Variants in SYNE1 observed in about 807,000 individuals in gnomAD.
The protein encoded by SYNE1 is spectrin repeat containing nuclear envelope protein 1.
A neutral mutation model predicts 1,111.0 loss-of-function variants in SYNE1; 616 were observed. The ratio of observed to expected loss-of-function variants is 0.55; its 90% CI spans 0.52 to 0.59. The LOEUF (loss-of-function observed/expected upper bound fraction) is 0.59, where lower values mean the gene tolerates loss of function less well. Among genes scored for constraint, SYNE1 ranks in the 20% least tolerant of loss-of-function variants. The pLI, the probability that SYNE1 is intolerant of heterozygous loss-of-function variation, is 0.00. For missense variants in SYNE1, 10,006 were observed against 10,417.0 expected, an observed-to-expected ratio of 0.96 and a Z score of 1.72; for synonymous variants, 3,855 against 3,825.8, an observed-to-expected ratio of 1.01 and a Z score of -0.28.
chr6:152,191,659 C>A (rs2072426385), intron 127 of SYNE1, among the ~76,000 whole-genome samples: 1 of 151,826 alleles, frequency 6.6e-6, no homozygotes, highest in Non-Finnish European at 1.5e-5. Context: ...TTTTCTTAGT[C>A]TGGCTAATGG....
chr6:152,183,256 C>T (rs1031325241), intron 128 of SYNE1, among the ~76,000 whole-genome samples: 1 of 152,090 alleles, frequency 6.6e-6, no homozygotes, highest in Admixed American at 6.5e-5. Context: ...TAGTTAAAAT[C>T]CCGGTTCAAT....
rs925896998 is a variant in SYNE1 at position 152,616,485 on chromosome 6, A to G, written c.67+11780T>C. Among the ~76,000 whole-genome samples, 39 of 152,068 alleles carry G rather than the reference A, an allele frequency of 2.6e-4. 1 individual carries two copies. On this transcript the variant is annotated intron_variant, in intron 3 of 145. Transcript: ENST00000367255. ...CAGCTACTTGGGAGGCTGAGGTGGG[A>G]GGATTGCTTGAGCCCAGGAGGTTGA...
At chr6:152,497,197 C>T (rs991670879) in intron 11 of SYNE1, among the ~76,000 whole-genome samples, 1 of 152,156 alleles carries the variant, frequency 6.6e-6, no homozygotes, top group African/African-American at 2.4e-5. Flanking sequence ...TAATCTCCAT[C>T]ATCTAACACA....
chr6:152,505,389 C>T lies in SYNE1; in HGVS notation c.590G>A (p.Gly197Glu), dbSNP rs150249753. 5.0e-6 allele frequency: 8 copies of T among 1,613,780 alleles called. No homozygotes were observed. In the African/African-American group the frequency reaches 1.1e-4, roughly 22 times the overall value. The change falls in exon 9 of 146, where the codon GGA becomes GAA. Residue 197 changes from glycine to glutamate, a missense_variant. Transcript: ENST00000367255. The part of the protein sequence containing the change: ...WVQYTAGKQT[G>E]IEVKDFGKSW... ...CTTCCCAAAATCTTTTACTTCTATTCCAGTCTGCCTTTGTGTTATAAAAAC... is the reference window on the plus strand; with the variant it reads ...CTTCCCAAAATCTTTTACTTCTATTTCAGTCTGCCTTTGTGTTATAAAAAC...
At chr6:152,203,711 C>T (rs1357598590) in intron 126 of SYNE1, among the ~76,000 whole-genome samples, 1 of 151,656 alleles carries the variant, frequency 6.6e-6, no homozygotes, top group African/African-American at 2.4e-5. Flanking sequence ...AAAGTGCCCC[C>T]TTACTCAAAA....
chr6:152,178,594 T>C (rs964123026), intron 129 of SYNE1, among the ~76,000 whole-genome samples: 6 of 152,334 alleles, frequency 3.9e-5, no homozygotes, highest in Non-Finnish European at 8.8e-5. Context: ...TGCATATGGA[T>C]AGAAATAATT....
chr6:152,160,197 G>A (rs112573044), intron 131 of SYNE1, among the ~76,000 whole-genome samples: 18,524 of 151,912 alleles, frequency 0.12, 1,479 homozygotes, highest in Non-Finnish European at 0.18. Flanking sequence ...TAGTAGAGAC[G>A]GGGTTTCACC....
chr6:152,247,012 G>A lies in SYNE1; in HGVS notation c.19572+2149C>T, dbSNP rs116814413. Among the ~76,000 whole-genome samples the A allele has an allele frequency of 7.4e-3, 1,130 of 152,268 alleles. 14 individuals are homozygous for A. The highest frequency in any genetic ancestry group is 0.025 in the African/African-American group (1,034 of 41,540). On this transcript the variant is annotated intron_variant, in intron 105 of 145. Transcript: ENST00000367255. ...CTTATCATGTACCCTTTCTAAGAAA[G>A]GACATGCACTAACGAAACAAGGAAG...
At chr6:152,458,009 G>A (rs931400410) in intron 22 of SYNE1, among the ~76,000 whole-genome samples, 5 of 150,844 alleles carry the variant, frequency 3.3e-5, no homozygotes, top group Non-Finnish European at 7.4e-5. Flanking sequence ...TTATCTTTTA[G>A]TTATGTAATG....
chr6:152,569,481 T>C (rs1186408164), intron 3 of SYNE1, among the ~76,000 whole-genome samples: 1 of 152,172 alleles, frequency 6.6e-6, no homozygotes, highest in Non-Finnish European at 1.5e-5. Flanking sequence ...CATTGTTAAA[T>C]TTAGATTTTT....
chr6:152,250,213 A>G (rs971214411), intron 104 of SYNE1, among the ~76,000 whole-genome samples: 1 of 152,096 alleles, frequency 6.6e-6, no homozygotes, highest in African/African-American at 2.4e-5. Context: ...GAAGTGAGCT[A>G]TGATCACGCC....
intron 98 of SYNE1, among the ~76,000 whole-genome samples, chr6:152,274,741 TTCCC>T: frequency 6.6e-6 from 1 of 151,920 alleles, no homozygotes; most frequent in Admixed American, 6.6e-5. Context: ...GGATTACAGG[TTCCC>T]ACCACCACAC....
At chr6:152,435,916 A>G (rs1370145812) in intron 33 of SYNE1, 25 bp downstream of exon 33, 1 of 1,613,848 alleles carries the variant, frequency 6.2e-7, no homozygotes, top group Non-Finnish European at 8.5e-7. Flanking sequence ...CAGAGAAGAA[A>G]GTTTAGGACT....
chr6:152,498,741 C>T lies in SYNE1; in HGVS notation c.939+1G>A. 1 of 1,551,940 alleles carries T rather than the reference C, an allele frequency of 6.4e-7. No individual in the cohort carries two copies. The highest frequency in any genetic ancestry group is 8.8e-7 in the Non-Finnish European group (1 of 1,138,594). On this transcript the variant is annotated splice_donor_variant, in intron 11 of 145. Coordinates refer to ENST00000367255, the MANE Select transcript of SYNE1 (RefSeq NM_182961.4). LOFTEE classifies it high-confidence loss of function. ...TCAATGCAAGATTACTTAAATCTTA[C>T]CTTAAAATTTTGTACAGAATTTGCA... is the stretch of plus-strand genomic sequence containing the variant.
intron 5 of SYNE1, among the ~76,000 whole-genome samples, chr6:152,523,953 G>A (rs1220828744): frequency 6.6e-6 from 1 of 152,094 alleles, no homozygotes; most frequent in Non-Finnish European, 1.5e-5. Flanking sequence ...TTTTAGAGGA[G>A]TCTTTAGGGT....
chr6:152,245,407 G>A (rs978906796), intron 105 of SYNE1, among the ~76,000 whole-genome samples: 8 of 152,358 alleles, frequency 5.3e-5, no homozygotes, highest in East Asian at 1.9e-4. Flanking sequence ...CTAAGCAGGC[G>A]TTTGGAAAGA....
intron 86 of SYNE1, among the ~76,000 whole-genome samples, chr6:152,317,654 A>G (rs1319178983): frequency 6.6e-6 from 1 of 152,210 alleles, no homozygotes. Context: ...ATCGATTTCA[A>G]AAGTCTAGTC....
At chr6:152,458,734 C>G (rs747986343) in intron 22 of SYNE1, 23 bp downstream of exon 22, 4 of 1,612,874 alleles carry the variant, frequency 2.5e-6, no homozygotes. Context: ...GAATAATTGT[C>G]TCCTGAAAAG....
chr6:152,385,438 C>T (rs1009611682), intron 55 of SYNE1, among the ~76,000 whole-genome samples: 9 of 152,162 alleles, frequency 5.9e-5, no homozygotes, highest in East Asian at 1.9e-4. Context: ...TGTCATATTA[C>T]GGCAACAAGC....
Sources: gnomAD v4.1 joint callset for allele counts (sites outside exome capture counted in the v4.1 genomes callset) on GRCh38, gnomAD v4.1.1 for gene constraint, MANE v1.5 for transcripts, NCBI Gene and HGNC (gene_info 2026-07-23, HGNC 2026-07-21) for gene names.